PRKX: variants seen among roughly 807,000 people sequenced by gnomAD.
The protein encoded by PRKX is protein kinase cAMP-dependent X-linked catalytic subunit.
In PRKX, 12 loss-of-function variants were observed where a neutral mutation model predicts 22.0. That is an observed-to-expected ratio of 0.54 (90% CI 0.35 to 0.88). The LOEUF is 0.88. PRKX is among the 40% of genes least tolerant of loss of function. PRKX has a pLI of 0.01. For synonymous variants in PRKX, 134 were observed against 137.7 expected (o/e 0.97, Z 0.19); for missense variants, 217 against 308.0 (o/e 0.70, Z 2.21).
chrX:3,613,114 G>GAATTCC (rs1926332936), intron 7 of PRKX, among the ~76,000 whole-genome samples: 1 of 83,960 alleles, frequency 1.2e-5, no homozygotes, highest in South Asian at 7.0e-4. Context: ...TCGCACCACT[G>GAATTCC]AACTCCAGCC....
intron 4 of PRKX, among the ~76,000 whole-genome samples, chrX:3,630,361 C>G (rs1240002236): frequency 9.0e-6 from 1 of 111,268 alleles, no homozygotes; most frequent in Non-Finnish European, 1.9e-5. Flanking sequence ...GAGATCGAGA[C>G]CATCCTGGCT....
chrX:3,713,019 T>G, intron 1 of PRKX, 69 bp downstream of exon 1: 19 of 1,091,495 alleles, frequency 1.7e-5, no homozygotes, highest in Non-Finnish European at 2.2e-5. Context: ...CAGGGCCCTT[T>G]GTCCTACTAC....
chrX:3,699,556 T>C (rs1414540555), intron 1 of PRKX, among the ~76,000 whole-genome samples: 1 of 109,375 alleles, frequency 9.1e-6, no homozygotes, highest in Non-Finnish European at 1.9e-5. Context: ...GTTTCACCAT[T>C]ATGGCCAGGA....
At chrX:3,706,760 G>A (rs1334889252) in intron 1 of PRKX, among the ~76,000 whole-genome samples, 2 of 112,153 alleles carry the variant, frequency 1.8e-5, no homozygotes, top group Non-Finnish European at 3.8e-5. Flanking sequence ...CTTTCCCGGG[G>A]AGGAGGCAGC....
At chrX:3,690,850 G>T (rs1167219787) in intron 1 of PRKX, among the ~76,000 whole-genome samples, 1 of 112,027 alleles carries the variant, frequency 8.9e-6, no homozygotes, top group East Asian at 2.8e-4. Context: ...GTGATTTCTG[G>T]CTCAGTGTAT....
chrX:3,673,879 CCA>C (rs1927896069), intron 2 of PRKX, among the ~76,000 whole-genome samples: 1 of 110,464 alleles, frequency 9.1e-6, no homozygotes, highest in African/African-American at 3.3e-5. Context: ...AAAAGGGACC[CCA>C]GAGAGATCCC....
chrX:3,684,285 G>C (rs1172233992), intron 1 of PRKX, among the ~76,000 whole-genome samples: 1 of 111,722 alleles, frequency 9.0e-6, no homozygotes, highest in Non-Finnish European at 1.9e-5. Context: ...AACAAAATAA[G>C]GTAGTTAAGC....
At chrX:3,630,894 T>A (rs1192286624) in intron 4 of PRKX, among the ~76,000 whole-genome samples, 2 of 111,602 alleles carry the variant, frequency 1.8e-5, no homozygotes, top group East Asian at 2.8e-4. Flanking sequence ...GCCAAACCAT[T>A]TCATCAACCA....
intron 4 of PRKX, among the ~76,000 whole-genome samples, chrX:3,640,430 G>A (rs1243563135): frequency 3.6e-5 from 4 of 112,086 alleles, no homozygotes; most frequent in East Asian, 2.8e-4. Flanking sequence ...CACTAACAAC[G>A]GAACGAGGAT....
At chrX:3,624,828 C>T (rs915230047) in intron 5 of PRKX, among the ~76,000 whole-genome samples, 6 of 110,265 alleles carry the variant, frequency 5.4e-5, no homozygotes, top group African/African-American at 6.6e-5. Context: ...CTACATTGTC[C>T]AGGCTGGCCT....
chrX:3,680,784 A>G (rs1928057163), intron 1 of PRKX, among the ~76,000 whole-genome samples: 1 of 112,074 alleles, frequency 8.9e-6, no homozygotes, highest in African/African-American at 3.2e-5. Flanking sequence ...CAGGCACCGT[A>G]GCTCGCAACT....
At chrX:3,676,945 C>T (rs1349649021) in intron 1 of PRKX, among the ~76,000 whole-genome samples, 5 of 112,102 alleles carry the variant, frequency 4.5e-5, no homozygotes, top group African/African-American at 1.3e-4. Flanking sequence ...CCATGACTGT[C>T]GGAACCTCCG....
intron 1 of PRKX, among the ~76,000 whole-genome samples, chrX:3,689,757 C>T (rs927547155): frequency 2.7e-5 from 3 of 111,840 alleles, no homozygotes; most frequent in Admixed American, 9.5e-5. Flanking sequence ...GCGGGCGGAT[C>T]ACAAGGTCAG....
chrX:3,696,089 T>A (rs748610179), intron 1 of PRKX, among the ~76,000 whole-genome samples: 1 of 110,991 alleles, frequency 9.0e-6, no homozygotes, highest in Non-Finnish European at 1.9e-5. Flanking sequence ...GTTGAGGTCA[T>A]GAGGGTGGAG....
At chrX:3,622,584 C>A (rs750306235) in intron 5 of PRKX, among the ~76,000 whole-genome samples, 5 of 110,545 alleles carry the variant, frequency 4.5e-5, no homozygotes, top group African/African-American at 1.6e-4. Flanking sequence ...GCTGTCTGAT[C>A]GGAAATTTTA....
intron 2 of PRKX, among the ~76,000 whole-genome samples, chrX:3,665,505 T>C (rs1927705716): frequency 9.1e-6 from 1 of 110,340 alleles, no homozygotes; most frequent in Non-Finnish European, 1.9e-5. Flanking sequence ...ATTAAAACAA[T>C]GTATTCAAGC....
chrX:3,605,141 G>A lies in PRKX; in HGVS notation c.*3828C>T, dbSNP rs1243936371. On this transcript the variant is annotated 3_prime_UTR_variant, in exon 9 of 9. Transcript: ENST00000262848. Reference sequence around the variant, plus strand: ...TGCTTTTGTTAAGTGAATCCCATCCGTTTAAGTTAGACTAATTAGAAGGCC... The same window carrying A: ...TGCTTTTGTTAAGTGAATCCCATCCATTTAAGTTAGACTAATTAGAAGGCC... The A allele has an allele frequency of 2.7e-5, 3 of 110,140 alleles. No individual in the cohort carries two copies. Among genetic ancestry groups the A allele is most frequent in the Non-Finnish European group, 3.8e-5 (2 of 52,913 alleles). The allele number at this position is 110,140 out of a possible 1,213,427, so 9.1% of individuals were successfully genotyped here.
chrX:3,713,272 G>C lies in PRKX; in HGVS notation c.-19C>G. The C allele has an allele frequency of 9.9e-7, 1 of 1,011,166 alleles. No homozygotes were observed. Among genetic ancestry groups the C allele is most frequent in the South Asian group, 3.3e-5 (1 of 30,592 alleles). 83.3% of individuals were successfully genotyped at this position (1,011,166 alleles called of 1,213,427 possible). ...CCTCCATGGGGACGCACTCAGGTCC[G>C]GGGCACCGGGCCAGGCCGGAGCGCT... On this transcript the variant is annotated 5_prime_UTR_variant, in exon 1 of 9. Transcript: ENST00000262848.
chrX:3,705,809 C>T (rs1431113404), intron 1 of PRKX, among the ~76,000 whole-genome samples: 1 of 107,725 alleles, frequency 9.3e-6, no homozygotes, highest in Non-Finnish European at 1.9e-5. Flanking sequence ...GCCTCAGCCT[C>T]CCCAGCAGCT....
Sources: allele counts gnomAD v4.1 joint callset (sites outside exome capture counted in the v4.1 genomes callset), GRCh38; gene constraint gnomAD v4.1.1; transcripts MANE v1.5; gene names NCBI Gene and HGNC (gene_info 2026-07-23, HGNC 2026-07-21).